Variants in EPS8L3 observed in about 807,000 individuals in gnomAD.
EPS8L3 encodes EPS8 signaling adaptor L3, also known as epidermal growth factor receptor kinase substrate 8-like protein 3.
EPS8L3 carries 80 observed loss-of-function variants against 88.5 expected under a neutral mutation model. The observed-to-expected ratio is 0.90, with a 90% CI of 0.75 to 1.09. The LOEUF (loss-of-function observed/expected upper bound fraction) is 1.09, where lower values mean the gene tolerates loss of function less well. EPS8L3 is among the 50% of genes least tolerant of loss of function. The pLI is 0.00. For missense variants in EPS8L3, 721 were observed against 735.2 expected (o/e 0.98, Z 0.22); for synonymous variants, 286 against 291.0 (o/e 0.98, Z 0.18).
chr1:109,762,759 C>T (rs1366742684), intron 1 of EPS8L3, among the ~76,000 whole-genome samples: 2 of 152,202 alleles, frequency 1.3e-5, no homozygotes, highest in South Asian at 2.1e-4. Flanking sequence ...GGCTCAAAGA[C>T]GGTAACAGGC....
At chr1:109,751,895 C>T in intron 15 of EPS8L3, 100 bp downstream of exon 15, 2 of 1,569,394 alleles carry the variant, frequency 1.3e-6, no homozygotes, top group Non-Finnish European at 1.7e-6. Flanking sequence ...CTCTCTAGGC[C>T]ACCCACCTTG....
At chr1:109,751,954 C>T (rs916907280) in intron 15 of EPS8L3, 41 bp downstream of exon 15, 74 of 1,567,560 alleles carry the variant, frequency 4.7e-5, no homozygotes, top group East Asian at 2.0e-4. Context: ...TAGCTCCCAC[C>T]AACCACCACC....
Position 109,752,001 on chromosome 1 carries a change from C to G in EPS8L3, c.1428G>C (p.Lys476Asn). 2 of 1,604,568 alleles carry G rather than the reference C, an allele frequency of 1.2e-6. No individual in the cohort carries two copies. Residue 476 changes from lysine (K) to asparagine (N), a missense_variant, in exon 15 of 19, where the codon AAG becomes AAC. Physicochemically the swap from Lys to Asn is moderately conservative, Grantham distance 94 (BLOSUM62 0). Coordinates refer to ENST00000361965, the MANE Select transcript of EPS8L3 (RefSeq NM_133181.4). Reference sequence around the variant, plus strand: ...CCTATGGCCCAAGCCTCACCTCCAGCTTCTCTCCCTGGACCACAGTCAGTT... The same window carrying G: ...CCTATGGCCCAAGCCTCACCTCCAGGTTCTCTCCCTGGACCACAGTCAGTT... The part of the protein sequence containing the change: ...PRELTVVQGE[K>N]LEVLDHSKRW...
intron 11 of EPS8L3, 97 bp from the exon 12 acceptor site, chr1:109,757,262 T>C (rs1650375654): frequency 7.2e-7 from 1 of 1,388,542 alleles, no homozygotes; most frequent in Admixed American, 2.6e-5. Flanking sequence ...ACTTTTGCAA[T>C]GGTAGGATGT....
intron 1 of EPS8L3, among the ~76,000 whole-genome samples, chr1:109,763,566 G>A (rs1651229804): frequency 6.6e-6 from 1 of 152,150 alleles, no homozygotes; most frequent in African/African-American, 2.4e-5. Flanking sequence ...TAGGGGTTTG[G>A]AGCAGGGAAG....
Position 109,760,331 on chromosome 1 carries a change from C to A in EPS8L3, c.97-495G>T, listed in dbSNP as rs1570703162. ...GAGATATCCATCGTGATCTCAGTCT[C>A]CGCTCAAGTCCTTGCCTACTGCTAG... On this transcript the variant is annotated intron_variant, in intron 3 of 18. Transcript: ENST00000361965. 2.0e-5 allele frequency among the ~76,000 whole-genome samples: 3 copies of A among 152,198 alleles called. No individual in the cohort carries two copies. The East Asian group carries it at 5.8e-4, about 29-fold the overall frequency.
At chr1:109,750,523 G>C in intron 18 of EPS8L3, 121 bp from the exon 19 acceptor site, 1 of 1,574,970 alleles carries the variant, frequency 6.3e-7, no homozygotes, top group Admixed American at 1.7e-5. Context: ...GCCCCTGGGG[G>C]AATATCCTGT....
At chr1:109,757,442 G>T (rs1650395623) in intron 11 of EPS8L3, 39 bp downstream of exon 11, 2 of 1,581,484 alleles carry the variant, frequency 1.3e-6, no homozygotes, top group South Asian at 2.2e-5. Context: ...CTTGACTTCA[G>T]CCTGTCCGTC....
Position 109,750,146 on chromosome 1 carries a change from A to C in EPS8L3, c.*245T>G. On this transcript the variant is annotated 3_prime_UTR_variant, in exon 19 of 19. Coordinates refer to ENST00000361965, the MANE Select transcript of EPS8L3 (RefSeq NM_133181.4). ...ACAGATTCTTGACAAGCCTAGGCAT[A>C]AATGCTCCAGGTTTGGGAAAGAGGT... is the stretch of plus-strand genomic sequence containing the variant. 1 of 581,084 alleles carries C rather than the reference A, an allele frequency of 1.7e-6. No homozygotes were observed. The highest frequency in any genetic ancestry group is 3.1e-6 in the Non-Finnish European group (1 of 326,320). The allele number at this position is 581,084 out of a possible 1,614,324, so 36.0% of individuals were successfully genotyped here. A position where few individuals can be genotyped will look rare whatever the true frequency, so the allele number is the denominator to read the frequency against.
chr1:109,759,145 G>GTA lies in EPS8L3; in HGVS notation c.406-29_406-28insTA. On this transcript the variant is annotated intron_variant, in intron 5 of 18. Transcript: ENST00000361965. This position sits in a 1 kb window ranked among gnomAD's most constrained non-coding sequence, Gnocchi z 4.2. ...GGGAAGCAGCAGTCAGGCAGGCTAA[G>GTA]TGTGTGTGTGTGTGTGTGTGTGTGT... is the stretch of plus-strand genomic sequence containing the variant. The GTA allele has an allele frequency of 8.2e-5, 1 of 12,248 alleles. No individual in the cohort carries two copies. Among genetic ancestry groups the GTA allele is most frequent in the Non-Finnish European group, 9.2e-5 (1 of 10,904 alleles). The allele number at this position is 12,248 out of a possible 1,614,324, so 0.8% of individuals were successfully genotyped here.
At chr1:109,756,381 G>A (rs138309854) in intron 12 of EPS8L3, among the ~76,000 whole-genome samples, 1 of 152,286 alleles carries the variant, frequency 6.6e-6, no homozygotes, top group East Asian at 1.9e-4. Flanking sequence ...TGGGTTTACA[G>A]GCATGCACCA....
chr1:109,751,215 G>T, intron 17 of EPS8L3, 63 bp downstream of exon 17: 2 of 1,448,106 alleles, frequency 1.4e-6, no homozygotes, highest in African/African-American at 1.4e-5. Context: ...TGGGTCTCTG[G>T]GTTTCCTTGG....
rs1183278585 is a variant in EPS8L3, at chr1:109,758,546, G to C, written c.579C>G (p.Pro193=). 1 of 1,609,072 alleles carries C rather than the reference G, an allele frequency of 6.2e-7. No individual in the cohort carries two copies. The highest frequency in any genetic ancestry group is 1.3e-5 in the African/African-American group (1 of 74,688). The stretch of plus-strand genomic sequence containing the variant: ...TACTGTGCTCTAGGGTCCTCTGGTG[G>C]GGCTGTTCTGGAGGGATCCCCGGCT... ...YLEPGIPPEQ[P]HQRTLEHSLP... The change falls in exon 7 of 19, where the codon CCC becomes CCG. Residue 193 remains proline, a synonymous_variant. Transcript: ENST00000361965.
At chr1:109,758,124 C>A in intron 8 of EPS8L3, 66 bp from the exon 9 acceptor site, 1 of 1,414,514 alleles carries the variant, frequency 7.1e-7, no homozygotes, top group Non-Finnish European at 9.9e-7. Context: ...CCCCACACTG[C>A]CCCCCGCACC....
At chr1:109,751,532 A>G in intron 16 of EPS8L3, 122 bp downstream of exon 16, 6 of 1,450,106 alleles carry the variant, frequency 4.1e-6, no homozygotes, top group Non-Finnish European at 5.7e-6. Context: ...TTGGCACACT[A>G]AGCATGCAAT....
intron 3 of EPS8L3, 121 bp downstream of exon 3, chr1:109,761,374 A>G (rs1306303613): frequency 1.2e-6 from 1 of 823,566 alleles, no homozygotes; most frequent in Non-Finnish European, 1.9e-6. Context: ...CATGGTTGGG[A>G]CAGGCTGTTG....
At chr1:109,750,457 G>A (rs1373700636) in intron 18 of EPS8L3, 55 bp from the exon 19 acceptor site, 1 of 1,608,696 alleles carries the variant, frequency 6.2e-7, no homozygotes, top group Non-Finnish European at 8.5e-7. Context: ...GATCTGCAGA[G>A]CTTATGCCAC....
Position 109,752,192 on chromosome 1 carries a change from G to T in EPS8L3, c.1237C>A (p.Arg413=). 6.2e-7 allele frequency: 1 copy of T among 1,610,262 alleles called. No homozygotes were observed. The highest frequency in any genetic ancestry group is 8.5e-7 in the Non-Finnish European group (1 of 1,177,558). ...LGYQDPVSLR[R]GSHRLGSTSH... is the part of the protein sequence containing the mutation. ...GTGCTCCCTAACCTATGACTTCCCC[G>T]CCTAAGAAACAGAGTCAGGATGGCT... Residue 413 remains arginine (R), a splice_region_variant and synonymous_variant, in exon 15 of 19, where the codon CGG becomes AGG. Coordinates refer to ENST00000361965, the MANE Select transcript of EPS8L3 (RefSeq NM_133181.4).
At chr1:109,754,140 A>T (rs1650062709) in intron 12 of EPS8L3, among the ~76,000 whole-genome samples, 1 of 152,174 alleles carries the variant, frequency 6.6e-6, no homozygotes, top group Non-Finnish European at 1.5e-5. Flanking sequence ...TCATCCTATT[A>T]CTTTCTTCTT....
Sources: gnomAD v4.1 joint callset for allele counts (sites outside exome capture counted in the v4.1 genomes callset) on GRCh38, gnomAD v4.1.1 for gene constraint, Gnocchi (gnomAD v3.1) non-coding constraint, MANE v1.5 for transcripts, NCBI Gene and HGNC (gene_info 2026-07-23, HGNC 2026-07-21) for gene names.